The following DNAH11 variants were observed in gnomAD, a reference collection of about 807,000 sequenced individuals.
DNAH11 encodes the protein axonemal beta dynein heavy chain 11.
In DNAH11, 442 loss-of-function variants were observed where a neutral mutation model predicts 526.0. The observed-to-expected ratio is 0.84, with a 90% CI of 0.78 to 0.91. The LOEUF (loss-of-function observed/expected upper bound fraction) is 0.91. Among genes scored for constraint, DNAH11 ranks in the 40% least tolerant of loss-of-function variants. The probability of loss-of-function intolerance (pLI) is 0.00; values close to 1 mark genes in which losing one functional copy is unlikely to be tolerated. For synonymous variants in DNAH11, 2,461 were observed against 1,935.9 expected, an observed-to-expected ratio of 1.27 and a Z score of -7.12; for missense variants, 6,989 against 5,448.7, an observed-to-expected ratio of 1.28 and a Z score of -8.90.
At chr7:21,604,040 G>A (rs1287708858) in intron 18 of DNAH11, among the ~76,000 whole-genome samples, 1 of 152,162 alleles carries the variant, frequency 6.6e-6, no homozygotes, top group Admixed American at 6.5e-5. Context: ...GGAGGGTAAC[G>A]AGGCCCAATT....
At chr7:21,827,942 T>G (rs560626488) in intron 65 of DNAH11, among the ~76,000 whole-genome samples, 1 of 152,098 alleles carries the variant, frequency 6.6e-6, no homozygotes, top group South Asian at 2.1e-4. Context: ...TACGGATTTT[T>G]TTTTTAATTT....
At chr7:21,881,354 C>A (rs1554292082) in intron 75 of DNAH11, among the ~76,000 whole-genome samples, 1 of 152,164 alleles carries the variant, frequency 6.6e-6, no homozygotes, top group Non-Finnish European at 1.5e-5. Flanking sequence ...CTGCATATGT[C>A]ATTATTATGT....
In DNAH11 at chr7:21,750,521, A is replaced by G. The variant is rs28628398; in HGVS notation, c.8940+157A>G. ...GCCTGTATCTGGAGCGTACCTTCCT[A>G]AAGTGTCCCATGATGCTGGGCTCCT... On this transcript the variant is annotated intron_variant, in intron 54 of 81. Coordinates refer to ENST00000409508, the MANE Select transcript of DNAH11 (RefSeq NM_001277115.2). 0.011 allele frequency among the ~76,000 whole-genome samples: 1,705 copies of G among 152,308 alleles called. 33 individuals are homozygous for G. The highest frequency in any genetic ancestry group is 0.039 in the African/African-American group (1,626 of 41,548).
rs957515343 is a variant in DNAH11, at chr7:21,559,065, C to G, written c.692+67C>G. On this transcript the variant is annotated intron_variant, in intron 3 of 81. Coordinates refer to ENST00000409508, the MANE Select transcript of DNAH11 (RefSeq NM_001277115.2). ...GCCAGGCCAGCACGGTGGCTCATGC[C>G]TATAATCCCAGCAATTTGGAGGCTG... 1.7e-5 allele frequency: 23 copies of G among 1,378,176 alleles called. No homozygotes were observed. The Admixed American group carries it at 2.7e-4, about 16-fold the overall frequency. 85.4% of individuals were successfully genotyped at this position (1,378,176 alleles called of 1,614,324 possible).
chr7:21,634,313 T>C (rs770581554), intron 25 of DNAH11, among the ~76,000 whole-genome samples: 2 of 152,116 alleles, frequency 1.3e-5, no homozygotes, highest in African/African-American at 4.8e-5. Context: ...ATAAGCCAGC[T>C]GAGAATAGAG....
At chr7:21,633,008 G>T (rs948212810) in intron 25 of DNAH11, among the ~76,000 whole-genome samples, 19 of 152,184 alleles carry the variant, frequency 1.2e-4, no homozygotes, top group African/African-American at 4.1e-4. Flanking sequence ...ATGGTGGAAG[G>T]TGAAAAGCAC....
Position 21,873,506 on chromosome 7 carries a change from GAA to G in DNAH11, c.12195+7_12195+8del. 1 of 1,613,640 alleles carries G rather than the reference GAA, an allele frequency of 6.2e-7. No homozygotes were observed. Among genetic ancestry groups the G allele is most frequent in the Non-Finnish European group, 8.5e-7 (1 of 1,179,694 alleles). On this transcript the variant is annotated splice_donor_region_variant and intron_variant, in intron 74 of 81. Coordinates refer to ENST00000409508, the MANE Select transcript of DNAH11 (RefSeq NM_001277115.2). ...GCCCTGTACAACTTTGATCAGGTAA[GAA>G]AGCGAAGCAGGCTAGGCAGACAATG... is the stretch of plus-strand genomic sequence containing the variant.
At chr7:21,693,869 G>A (rs1583600436) in intron 35 of DNAH11, among the ~76,000 whole-genome samples, 1 of 152,172 alleles carries the variant, frequency 6.6e-6, no homozygotes, top group Admixed American at 6.5e-5. Flanking sequence ...AGCATGGCTA[G>A]GAGGCCTCAG....
At chr7:21,773,296 G>T (rs1387631131) in intron 55 of DNAH11, among the ~76,000 whole-genome samples, 2 of 145,830 alleles carry the variant, frequency 1.4e-5, no homozygotes, top group Non-Finnish European at 3.0e-5. Context: ...TATCCAGTTT[G>T]TTTTTACATG....
chr7:21,697,844 T>C (rs1783915353), intron 35 of DNAH11, among the ~76,000 whole-genome samples: 1 of 152,224 alleles, frequency 6.6e-6, no homozygotes. Context: ...TTCTTTGAAC[T>C]CCTACACCTG....
intron 65 of DNAH11, among the ~76,000 whole-genome samples, chr7:21,832,262 T>G (rs1486625721): frequency 6.6e-6 from 1 of 152,204 alleles, no homozygotes; most frequent in African/African-American, 2.4e-5. Context: ...TGATGCAGTT[T>G]CTTCATATGT....
At chr7:21,593,163 G>A (rs1005372654) in intron 14 of DNAH11, among the ~76,000 whole-genome samples, 1 of 152,160 alleles carries the variant, frequency 6.6e-6, no homozygotes, top group African/African-American at 2.4e-5. Context: ...TACTGAAAAA[G>A]AGAGAGTGAT....
intron 60 of DNAH11, among the ~76,000 whole-genome samples, chr7:21,788,237 G>A (rs1011913102): frequency 3.3e-5 from 5 of 152,178 alleles, no homozygotes; most frequent in African/African-American, 1.2e-4. Flanking sequence ...TTAGAGGGTT[G>A]TATGTTATAT....
intron 68 of DNAH11, among the ~76,000 whole-genome samples, chr7:21,861,019 C>G (rs774146517): frequency 3.9e-5 from 6 of 152,154 alleles, no homozygotes; most frequent in Non-Finnish European, 8.8e-5. Flanking sequence ...TCCCACAACA[C>G]ATGGGAATTA....
rs187898342 is a variant in DNAH11, at chr7:21,896,723, A to C, written c.13049+1724A>C. On this transcript the variant is annotated intron_variant, in intron 79 of 81. Coordinates refer to ENST00000409508, the MANE Select transcript of DNAH11 (RefSeq NM_001277115.2). The stretch of plus-strand genomic sequence containing the variant: ...TTGTAGACTTCATCAGTTCTGGGTG[A>C]TCTTCATTATATCTTCAACTGTCTC... Among the ~76,000 whole-genome samples, 764 of 152,076 alleles carry C rather than the reference A, an allele frequency of 5.0e-3. 5 individuals carry two copies. The highest frequency in any genetic ancestry group is 8.8e-3 in the Non-Finnish European group (596 of 68,008).
intron 1 of DNAH11, among the ~76,000 whole-genome samples, chr7:21,544,603 T>A (rs1161826360): frequency 2.0e-5 from 3 of 152,226 alleles, no homozygotes; most frequent in Admixed American, 6.5e-5. Flanking sequence ...CAAATTAACC[T>A]CTTGGGCTTG....
Position 21,616,312 on chromosome 7 carries a change from A to C in DNAH11, c.4095+20A>C. 1 of 1,588,456 alleles carries C rather than the reference A, an allele frequency of 6.3e-7. No homozygotes were observed. Among genetic ancestry groups the C allele is most frequent in the Non-Finnish European group, 8.6e-7 (1 of 1,160,134 alleles). On this transcript the variant is annotated intron_variant, in intron 22 of 81. Transcript: ENST00000409508. ...GCCAAGGCGAGTTCCATAACTGTCT[A>C]TTACAACAATTTATCTTTCTCAGCA... is the stretch of plus-strand genomic sequence containing the variant.
chr7:21,631,001 C>T (rs1257324779), intron 25 of DNAH11, among the ~76,000 whole-genome samples: 4 of 152,076 alleles, frequency 2.6e-5, no homozygotes, highest in African/African-American at 7.2e-5. Flanking sequence ...TAACGACATA[C>T]CCAGGGCTGG....
At chr7:21,685,959 C>T (rs1368285044) in intron 32 of DNAH11, among the ~76,000 whole-genome samples, 1 of 152,196 alleles carries the variant, frequency 6.6e-6, no homozygotes, top group Admixed American at 6.5e-5. Context: ...AGTCTCTAAA[C>T]ACTGGCAGCC....
Sources: allele counts gnomAD v4.1 joint callset (sites outside exome capture counted in the v4.1 genomes callset), GRCh38; gene constraint gnomAD v4.1.1; transcripts MANE v1.5; gene names NCBI Gene and HGNC (gene_info 2026-07-23, HGNC 2026-07-21).